Variants in CTNND2 observed in about 807,000 individuals in gnomAD.
The protein encoded by CTNND2 is catenin delta 2.
A neutral mutation model predicts 144.4 loss-of-function variants in CTNND2; 22 were observed. The ratio of observed to expected loss-of-function variants is 0.15; its 90% CI spans 0.11 to 0.22. The LOEUF (loss-of-function observed/expected upper bound fraction) is 0.22, where lower values mean the gene tolerates loss of function less well. CTNND2 is among the 10% of genes least tolerant of loss of function. The probability of loss-of-function intolerance (pLI) is 1.00; values close to 1 mark genes in which losing one functional copy is unlikely to be tolerated. For synonymous variants in CTNND2, 751 were observed against 695.6 expected (o/e 1.08, Z -1.25); for missense variants, 1,353 against 1,618.8 (o/e 0.84, Z 2.82).
intron 1 of CTNND2, among the ~76,000 whole-genome samples, chr5:11,772,099 T>C (rs895658717): frequency 2.0e-5 from 3 of 152,234 alleles, no homozygotes; most frequent in Non-Finnish European, 2.9e-5. Flanking sequence ...TTCTAGGAGA[T>C]AGCAGATTTT....
At chr5:11,221,028 G>A (rs1167210528) in intron 10 of CTNND2, among the ~76,000 whole-genome samples, 1 of 152,222 alleles carries the variant, frequency 6.6e-6, no homozygotes, top group East Asian at 1.9e-4. Context: ...GTACAGAAGA[G>A]CAATGTGAAT....
intron 11 of CTNND2, among the ~76,000 whole-genome samples, chr5:11,163,349 G>A (rs1758983367): frequency 6.6e-6 from 1 of 152,278 alleles, no homozygotes; most frequent in South Asian, 2.1e-4. Flanking sequence ...CCGAAATTTT[G>A]GAAGTGGATT....
chr5:11,802,310 G>A (rs1791734816), intron 1 of CTNND2, among the ~76,000 whole-genome samples: 1 of 151,786 alleles, frequency 6.6e-6, no homozygotes, highest in Admixed American at 6.6e-5. Flanking sequence ...GCTCATGCCT[G>A]TAATCCCAGC....
chr5:11,775,975 C>T (rs965671564), intron 1 of CTNND2, among the ~76,000 whole-genome samples: 2 of 152,046 alleles, frequency 1.3e-5, no homozygotes, highest in African/African-American at 4.8e-5. Context: ...TATCCTGCCA[C>T]GAGCCAACTC....
At chr5:11,559,144 T>A (rs936952116) in intron 3 of CTNND2, among the ~76,000 whole-genome samples, 1 of 152,208 alleles carries the variant, frequency 6.6e-6, no homozygotes, top group Admixed American at 6.5e-5. Flanking sequence ...TATATTTGTA[T>A]GTGTATATAT....
intron 10 of CTNND2, among the ~76,000 whole-genome samples, chr5:11,233,387 A>G (rs769671364): frequency 4.6e-5 from 7 of 152,332 alleles, no homozygotes; most frequent in Non-Finnish European, 1.0e-4. Flanking sequence ...GACCCTCTGC[A>G]TATAGAAGAT....
intron 1 of CTNND2, among the ~76,000 whole-genome samples, chr5:11,744,667 G>C (rs1162181274): frequency 2.4e-5 from 2 of 83,238 alleles, no homozygotes; most frequent in African/African-American, 1.0e-4. Flanking sequence ...CCTTGAAGAG[G>C]AGTGTGTGTG....
intron 16 of CTNND2, among the ~76,000 whole-genome samples, chr5:11,063,899 G>C (rs565085134): frequency 5.1e-4 from 77 of 152,256 alleles, no homozygotes; most frequent in African/African-American, 1.8e-3. Context: ...TTCTGTTAAT[G>C]ATTTGCAATC....
chr5:11,352,570 T>A (rs911435866), intron 8 of CTNND2, among the ~76,000 whole-genome samples: 9 of 152,140 alleles, frequency 5.9e-5, no homozygotes, highest in African/African-American at 2.2e-4. Context: ...ACAAAAAAAA[T>A]TCAAGATGAG....
At chr5:11,310,967 C>T (rs570871967) in intron 9 of CTNND2, among the ~76,000 whole-genome samples, 28 of 149,498 alleles carry the variant, frequency 1.9e-4, no homozygotes, top group African/African-American at 5.9e-4. Context: ...CCTCAACCCA[C>T]ACATACACAC....
At chr5:11,676,103 T>C (rs978726882) in intron 2 of CTNND2, among the ~76,000 whole-genome samples, 1 of 151,946 alleles carries the variant, frequency 6.6e-6, no homozygotes, top group Non-Finnish European at 1.5e-5. Flanking sequence ...CTGGCTGGCA[T>C]CTGGCAGGTG....
At chr5:11,754,992 T>C (rs1788853701) in intron 1 of CTNND2, among the ~76,000 whole-genome samples, 1 of 151,816 alleles carries the variant, frequency 6.6e-6, no homozygotes, top group African/African-American at 2.4e-5. Context: ...TGTTATTAGC[T>C]GGTTATTATG....
At chr5:11,460,100 T>A (rs1191559041) in intron 3 of CTNND2, among the ~76,000 whole-genome samples, 1 of 152,212 alleles carries the variant, frequency 6.6e-6, no homozygotes, top group Non-Finnish European at 1.5e-5. Context: ...ACAGATTTAA[T>A]GGTCCTGTCT....
intron 2 of CTNND2, among the ~76,000 whole-genome samples, chr5:11,609,306 C>G (rs1351416874): frequency 6.6e-6 from 1 of 152,150 alleles, no homozygotes; most frequent in Non-Finnish European, 1.5e-5. Flanking sequence ...ATCTACTGTC[C>G]ACTAAATCTG....
chr5:11,220,695 C>T (rs146172327), intron 10 of CTNND2, among the ~76,000 whole-genome samples: 9 of 152,266 alleles, frequency 5.9e-5, no homozygotes, highest in South Asian at 2.1e-4. Context: ...GCTACTGGAA[C>T]GCTCTTTGCC....
chr5:11,470,762 G>T (rs972724152), intron 3 of CTNND2, among the ~76,000 whole-genome samples: 1 of 151,460 alleles, frequency 6.6e-6, no homozygotes, highest in Admixed American at 6.6e-5. Context: ...CAAATGTTTT[G>T]TAGAATGTCC....
chr5:11,618,154 G>A (rs2434667), intron 2 of CTNND2, among the ~76,000 whole-genome samples: 16,726 of 150,726 alleles, frequency 0.11, 2,260 homozygotes, highest in African/African-American at 0.32. Context: ...TCCATTTCAT[G>A]TCATTTGAAA....
At chr5:11,879,341 G>GTGTATATGTATATATATA in intron 1 of CTNND2, among the ~76,000 whole-genome samples, 1 of 109,338 alleles carries the variant, frequency 9.1e-6, no homozygotes, top group East Asian at 2.5e-4. Context: ...TTAAATGTGT[G>GTGTATATGTATATATATA]TATATATATA....
intron 8 of CTNND2, among the ~76,000 whole-genome samples, chr5:11,348,450 AAAAAAAG>A (rs1338363940): frequency 6.8e-6 from 1 of 147,178 alleles, no homozygotes. Flanking sequence ...AAAAAAAAAA[AAAAAAAG>A]AAAAAAGAAA....
Sources: allele counts gnomAD v4.1 joint callset (sites outside exome capture counted in the v4.1 genomes callset), GRCh38; gene constraint gnomAD v4.1.1; transcripts MANE v1.5; gene names NCBI Gene and HGNC (gene_info 2026-07-23, HGNC 2026-07-21).